Variants in ZMAT4 observed in about 807,000 individuals in gnomAD.
ZMAT4 encodes the protein zinc finger matrin-type 4, also known as zinc finger matrin-type protein 4.
ZMAT4 carries 17 observed loss-of-function variants against 28.7 expected under a neutral mutation model. The observed-to-expected ratio is 0.59, with a 90% confidence interval of 0.41 to 0.89. The LOEUF is 0.89. Ranked by LOEUF, ZMAT4 falls within the 40% of genes least tolerant of loss-of-function variation. The pLI is 0.00. For synonymous variants in ZMAT4, 117 were observed against 109.2 expected, an observed-to-expected ratio of 1.07 and a Z score of -0.44; for missense variants, 240 against 283.8, an observed-to-expected ratio of 0.85 and a Z score of 1.11.
rs551429994 is a variant in ZMAT4, at chr8:40,713,376, C to T, written c.193-15975G>A. ...TCAAAACATAAAATATATGCATATCCTATTTCATATAAATGTTCTGTATAT... is the reference window on the plus strand; with the variant it reads ...TCAAAACATAAAATATATGCATATCTTATTTCATATAAATGTTCTGTATAT... On this transcript the variant is annotated intron_variant, in intron 3 of 6. Coordinates refer to ENST00000297737, the MANE Select transcript of ZMAT4 (RefSeq NM_024645.3). Among the ~76,000 whole-genome samples, 6 of 151,656 alleles carry T rather than the reference C, an allele frequency of 4.0e-5. No individual in the cohort carries two copies. The South Asian group carries it at 1.3e-3, about 32-fold the overall frequency.
At chr8:40,731,115 A>C (rs540186321) in intron 3 of ZMAT4, among the ~76,000 whole-genome samples, 130 of 146,994 alleles carry the variant, frequency 8.8e-4, no homozygotes, top group African/African-American at 3.0e-3. Flanking sequence ...CAGAGGTGCA[A>C]AGAGCTGGGG....
intron 2 of ZMAT4, among the ~76,000 whole-genome samples, chr8:40,804,949 CAA>C (rs1193989947): frequency 1.4e-5 from 2 of 141,406 alleles, no homozygotes. Flanking sequence ...CAAGTGTAAG[CAA>C]AAAAAAAAAA....
chr8:40,616,104 G>T (rs1296371803), intron 5 of ZMAT4, among the ~76,000 whole-genome samples: 2 of 152,190 alleles, frequency 1.3e-5, no homozygotes, highest in Non-Finnish European at 2.9e-5. Context: ...TCCAAAAGAA[G>T]ACATTTATGC....
intron 5 of ZMAT4, among the ~76,000 whole-genome samples, chr8:40,668,485 A>T (rs1249501534): frequency 2.7e-5 from 4 of 150,650 alleles, no homozygotes; most frequent in African/African-American, 4.9e-5. Flanking sequence ...AAAAAAAAAA[A>T]AGAAAAGAAA....
intron 2 of ZMAT4, among the ~76,000 whole-genome samples, chr8:40,781,494 G>A (rs10808942): frequency 0.13 from 19,614 of 151,964 alleles, 1,818 homozygotes; most frequent in East Asian, 0.37. Context: ...CGGGCGCGGT[G>A]GCTCACGCCT....
At chr8:40,613,171 A>AATTT (rs1805864834) in intron 5 of ZMAT4, among the ~76,000 whole-genome samples, 1 of 96,604 alleles carries the variant, frequency 1.0e-5, no homozygotes, top group Non-Finnish European at 1.9e-5. Flanking sequence ...TTTCTTTCTT[A>AATTT]CTTTCTTTCT....
intron 2 of ZMAT4, among the ~76,000 whole-genome samples, chr8:40,813,569 T>C (rs1258120077): frequency 6.6e-6 from 1 of 152,260 alleles, no homozygotes; most frequent in Non-Finnish European, 1.5e-5. Context: ...AAGGAAGATG[T>C]GGCTTTGGGT....
rs547163926 is a variant in ZMAT4 at position 40,747,086 on chromosome 8, T to C, written c.192+20555A>G. ...ACCCTTCCCGGCTGTGCTCACTACT[T>C]ATGCTATGCCAGAATACGCACGAAA... On this transcript the variant is annotated intron_variant, in intron 3 of 6. Transcript: ENST00000297737. Among the ~76,000 whole-genome samples the C allele has an allele frequency of 2.0e-5, 3 of 152,298 alleles. No individual in the cohort carries two copies. The South Asian group carries it at 6.2e-4, about 32-fold the overall frequency.
At chr8:40,892,208 G>A (rs952008835) in intron 1 of ZMAT4, among the ~76,000 whole-genome samples, 1 of 152,188 alleles carries the variant, frequency 6.6e-6, no homozygotes, top group African/African-American at 2.4e-5. Flanking sequence ...TTTATCCAGG[G>A]AGAAGTTTGC....
chr8:40,776,429 A>G (rs1207687127), intron 2 of ZMAT4, among the ~76,000 whole-genome samples: 1 of 152,220 alleles, frequency 6.6e-6, no homozygotes, highest in Non-Finnish European at 1.5e-5. Context: ...GACTACATCA[A>G]CGTGTTACAA....
Position 40,531,630 on chromosome 8 carries a change from C to A in ZMAT4, c.*593G>T, listed in dbSNP as rs1309528741. 1 of 152,620 alleles carries A rather than the reference C, an allele frequency of 6.6e-6. No individual in the cohort carries two copies. Among genetic ancestry groups the A allele is most frequent in the African/African-American group, 2.4e-5 (1 of 41,448 alleles). 9.5% of individuals were successfully genotyped at this position (152,620 alleles called of 1,614,324 possible). ...ATGATCAGGAAAAAAGATGAGAATT[C>A]TTCCTTTATTTACTCCCTTCGTCTT... On this transcript the variant is annotated 3_prime_UTR_variant, in exon 7 of 7. Coordinates refer to ENST00000297737, the MANE Select transcript of ZMAT4 (RefSeq NM_024645.3).
At chr8:40,574,826 G>C (rs1051346280) in intron 6 of ZMAT4, among the ~76,000 whole-genome samples, 1 of 152,116 alleles carries the variant, frequency 6.6e-6, no homozygotes, top group Non-Finnish European at 1.5e-5. Context: ...CTTACTACAG[G>C]GGAATCCCAA....
chr8:40,876,971 A>C (rs1818061654), intron 1 of ZMAT4, among the ~76,000 whole-genome samples: 1 of 152,198 alleles, frequency 6.6e-6, no homozygotes, highest in South Asian at 2.1e-4. Context: ...TTCACATGTT[A>C]ATATCCTAGC....
rs559692809 is a variant in ZMAT4 at position 40,883,472 on chromosome 8, T to C, written c.-5+14211A>G. Among the ~76,000 whole-genome samples the C allele has an allele frequency of 3.3e-5, 5 of 152,266 alleles. No individual in the cohort carries two copies. The East Asian group carries it at 9.7e-4, about 29-fold the overall frequency. The stretch of plus-strand genomic sequence containing the variant: ...CTTGCCTCCCCTTCTCCCTCCTGGA[T>C]GTCTGAGAGGAAGACAGCAAAGGAT... On this transcript the variant is annotated intron_variant, in intron 1 of 6. Transcript: ENST00000297737.
intron 4 of ZMAT4, among the ~76,000 whole-genome samples, chr8:40,686,897 G>T (rs1809433548): frequency 6.6e-6 from 1 of 152,008 alleles, no homozygotes; most frequent in Non-Finnish European, 1.5e-5. Context: ...ACTAAGACTA[G>T]AACCCAGAGC....
chr8:40,617,023 A>G (rs1229624714), intron 5 of ZMAT4, among the ~76,000 whole-genome samples: 1 of 152,210 alleles, frequency 6.6e-6, no homozygotes, highest in Admixed American at 6.5e-5. Context: ...AAATTTATCA[A>G]GAAAAAATAT....
In ZMAT4 at chr8:40,886,987, T is replaced by C. The variant is rs567599513; in HGVS notation, c.-5+10696A>G. 7.8e-4 allele frequency among the ~76,000 whole-genome samples: 119 copies of C among 152,018 alleles called. 1 individual carries two copies. The highest frequency in any genetic ancestry group is 9.9e-4 in the African/African-American group (41 of 41,468). On this transcript the variant is annotated intron_variant, in intron 1 of 6. Coordinates refer to ENST00000297737, the MANE Select transcript of ZMAT4 (RefSeq NM_024645.3). ...GAGATCGAGACCAACCTGGCTAACA[T>C]GGTGAAACCCCGTCTCTACTAAAAA...
At chr8:40,752,691 G>A (rs1057130543) in intron 3 of ZMAT4, among the ~76,000 whole-genome samples, 9 of 151,928 alleles carry the variant, frequency 5.9e-5, no homozygotes, top group Non-Finnish European at 1.3e-4. Context: ...ACCTACTCAG[G>A]TATCCTCCAA....
intron 5 of ZMAT4, among the ~76,000 whole-genome samples, chr8:40,637,092 T>TA (rs150860407): frequency 0.54 from 80,754 of 148,226 alleles, 22,536 homozygotes; most frequent in East Asian, 0.69. Context: ...GAAATAGATT[T>TA]TAAAAAAAAA....
Sources: gnomAD v4.1 joint callset for allele counts (sites outside exome capture counted in the v4.1 genomes callset) on GRCh38, gnomAD v4.1.1 for gene constraint, MANE v1.5 for transcripts, NCBI Gene and HGNC (gene_info 2026-07-23, HGNC 2026-07-21) for gene names.